ATAD2B: variants seen among roughly 807,000 people sequenced by gnomAD.
ATAD2B encodes the protein ATPase family AAA domain containing 2B.
A neutral mutation model predicts 167.6 loss-of-function variants in ATAD2B; 40 were observed. That is an observed-to-expected ratio of 0.24 (90% CI 0.19 to 0.31). The LOEUF (loss-of-function observed/expected upper bound fraction) is 0.31. ATAD2B is among the 10% of genes least tolerant of loss of function. The probability of loss-of-function intolerance (pLI) is 1.00; values close to 1 mark genes in which losing one functional copy is unlikely to be tolerated. For missense variants in ATAD2B, 1,242 were observed against 1,757.2 expected (o/e 0.71, Z 5.24); for synonymous variants, 579 against 596.5 (o/e 0.97, Z 0.43).
At chr2:23,807,953 ATT>A (rs1460859547) in intron 18 of ATAD2B, among the ~76,000 whole-genome samples, 1 of 122,108 alleles carries the variant, frequency 8.2e-6, no homozygotes, top group African/African-American at 3.1e-5. Flanking sequence ...ATATATAAAT[ATT>A]TATAATATAT....
chr2:23,819,412 A>G (rs1202685973), intron 17 of ATAD2B, among the ~76,000 whole-genome samples: 3 of 151,366 alleles, frequency 2.0e-5, no homozygotes, highest in Admixed American at 2.0e-4. Context: ...AATAGCTTAA[A>G]CTCAGGAGGC....
rs1368664688 is a variant in ATAD2B at position 23,823,444 on chromosome 2, T to A, written c.1945A>T (p.Ser649Cys). 1 of 1,614,018 alleles carries A rather than the reference T, an allele frequency of 6.2e-7. No homozygotes were observed. The highest frequency in any genetic ancestry group is 1.7e-5 in the Admixed American group (1 of 60,020). ...LQLDVSSIVL[S>C]AQDFYHAMQN... ...ATTGCATGGTAAAAATCTTGGGCAC[T>A]AAGCACTATTGAGGAAACATCCAGC... Residue 649 changes from serine (S) to cysteine (C), a missense_variant, in exon 16 of 28, where the codon AGT becomes TGT. Physicochemically the swap from Ser to Cys is moderately radical, Grantham distance 112. This residue lies in a region of ATAD2B where 145 missense variants were observed against 181.9 expected (regional missense o/e 0.80). Coordinates refer to ENST00000238789, the MANE Select transcript of ATAD2B (RefSeq NM_017552.4).
intron 22 of ATAD2B, among the ~76,000 whole-genome samples, chr2:23,781,119 A>G (rs1242296658): frequency 1.3e-5 from 2 of 151,758 alleles, no homozygotes; most frequent in African/African-American, 2.4e-5. Flanking sequence ...TTAAACATAA[A>G]CAATTTCACA....
chr2:23,866,234 C>T (rs183588840), intron 10 of ATAD2B, among the ~76,000 whole-genome samples: 23 of 152,110 alleles, frequency 1.5e-4, no homozygotes, highest in Admixed American at 5.9e-4. Context: ...GGAAAAATCC[C>T]GTCTACTAAA....
At chr2:23,908,885 G>GAA (rs754057659) in intron 1 of ATAD2B, among the ~76,000 whole-genome samples, 1 of 138,982 alleles carries the variant, frequency 7.2e-6, no homozygotes. Context: ...ACTATCGCAA[G>GAA]AAAAAAAAAA....
the ATAD2B span, among the ~76,000 whole-genome samples, chr2:23,722,928 G>A: frequency 6.6e-6 from 1 of 152,050 alleles, no homozygotes; most frequent in East Asian, 1.9e-4. Flanking sequence ...ATCTGACAGG[G>A]GATTAATATC....
intron 6 of ATAD2B, among the ~76,000 whole-genome samples, chr2:23,882,908 A>T (rs1311916617): frequency 2.6e-5 from 4 of 152,270 alleles, no homozygotes; most frequent in African/African-American, 9.6e-5. Context: ...AGAACTGTCA[A>T]TACAACACAA....
At chr2:23,737,757 A>G in the ATAD2B span, among the ~76,000 whole-genome samples, 11 of 152,354 alleles carry the variant, frequency 7.2e-5, no homozygotes, top group Admixed American at 3.9e-4. Flanking sequence ...TCCGAGCTAC[A>G]GGAGGAAATT....
At chr2:23,898,146 T>C (rs1301502108) in intron 1 of ATAD2B, among the ~76,000 whole-genome samples, 1 of 152,160 alleles carries the variant, frequency 6.6e-6, no homozygotes, top group South Asian at 2.1e-4. Flanking sequence ...CCTCACTATA[T>C]TGCCTAGACT....
intron 12 of ATAD2B, among the ~76,000 whole-genome samples, chr2:23,857,979 G>A (rs1391294748): frequency 6.6e-6 from 1 of 151,808 alleles, no homozygotes; most frequent in African/African-American, 2.4e-5. Flanking sequence ...TCCTGACCTC[G>A]TGATCTGCCC....
chr2:23,844,972 G>T (rs186803066), intron 13 of ATAD2B, among the ~76,000 whole-genome samples: 2 of 150,596 alleles, frequency 1.3e-5, no homozygotes, highest in Admixed American at 1.3e-4. Context: ...AAACCTAAAT[G>T]TACCCAGAAA....
chr2:23,789,943 AT>A (rs1681403116), intron 19 of ATAD2B, among the ~76,000 whole-genome samples: 1 of 152,200 alleles, frequency 6.6e-6, no homozygotes, highest in African/African-American at 2.4e-5. Context: ...AGAAGAAACA[AT>A]GAAAGGTAAA....
At chr2:23,778,273 G>A (rs1391034478) in intron 22 of ATAD2B, among the ~76,000 whole-genome samples, 1 of 152,150 alleles carries the variant, frequency 6.6e-6, no homozygotes, top group Non-Finnish European at 1.5e-5. Context: ...GCATTTTGTA[G>A]TAAAATATTA....
chr2:23,869,868 T>A, intron 8 of ATAD2B, 107 bp from the exon 9 acceptor site: 1 of 714,062 alleles, frequency 1.4e-6, no homozygotes, highest in Non-Finnish European at 2.3e-6. Context: ...TCAGCAAATA[T>A]TTATTAAGAT....
Position 23,769,711 on chromosome 2 carries a change from G to GATT in ATAD2B, c.3134-4084_3134-4083insAAT, listed in dbSNP as rs199842019. 2.8e-4 allele frequency among the ~76,000 whole-genome samples: 36 copies of GATT among 129,848 alleles called. 5 individuals are homozygous for GATT. Among genetic ancestry groups the GATT allele is most frequent in the Admixed American group, 3.2e-4 (4 of 12,542 alleles). The allele number at this position is 129,848 out of a possible 152,430, so 85.2% of individuals were successfully genotyped here. The stretch of plus-strand genomic sequence containing the variant: ...AAGTGTTTAATGGTGTCTCACTGTG[G>GATT]GTTTTTTTTTTTTTTTTTTTTTGAG... On this transcript the variant is annotated intron_variant, in intron 22 of 27. Transcript: ENST00000238789.
intron 22 of ATAD2B, among the ~76,000 whole-genome samples, chr2:23,767,345 G>A (rs1325022566): frequency 1.3e-5 from 2 of 152,112 alleles, no homozygotes; most frequent in Non-Finnish European, 2.9e-5. Flanking sequence ...AGCAGTGGGG[G>A]GCCACATGCA....
the ATAD2B span, among the ~76,000 whole-genome samples, chr2:23,679,048 A>T: frequency 7.7e-5 from 7 of 90,326 alleles, no homozygotes; most frequent in African/African-American, 2.0e-4. Context: ...ATTTTACCAC[A>T]ACTAAAAAAA....
chr2:23,858,977 C>T (rs1693898003), intron 12 of ATAD2B, among the ~76,000 whole-genome samples: 1 of 151,916 alleles, frequency 6.6e-6, no homozygotes, highest in African/African-American at 2.4e-5. Flanking sequence ...ATAATAAATC[C>T]TAAAAGTAGA....
chr2:23,771,086 T>C (rs1268263949), intron 22 of ATAD2B, among the ~76,000 whole-genome samples: 1 of 152,256 alleles, frequency 6.6e-6, no homozygotes, highest in African/African-American at 2.4e-5. Flanking sequence ...TATTTTTTGA[T>C]GTTATTTCAA....
Sources: allele counts gnomAD v4.1 joint callset (sites outside exome capture counted in the v4.1 genomes callset), GRCh38; gene constraint gnomAD v4.1.1; regional missense constraint gnomAD v4.1.1; transcripts MANE v1.5; gene names NCBI Gene and HGNC (gene_info 2026-07-23, HGNC 2026-07-21).